Variants in MIA2 observed in about 807,000 individuals in gnomAD.
MIA2 encodes melanoma inhibitory activity protein 2.
Under a neutral mutation model 167.8 loss-of-function variants are expected in MIA2, and 127 were observed. The ratio of observed to expected loss-of-function variants is 0.76; its 90% CI spans 0.66 to 0.88. The LOEUF (loss-of-function observed/expected upper bound fraction) is 0.88. Among genes scored for constraint, MIA2 ranks in the 40% least tolerant of loss-of-function variants. The pLI is 0.00. For missense variants in MIA2, 1,690 were observed against 1,624.7 expected, an observed-to-expected ratio of 1.04 and a Z score of -0.69; for synonymous variants, 552 against 541.9, an observed-to-expected ratio of 1.02 and a Z score of -0.26.
chr14:39,326,633 A>G (rs1240046212), intron 24 of MIA2, among the ~76,000 whole-genome samples: 1 of 148,520 alleles, frequency 6.7e-6, no homozygotes, highest in East Asian at 1.9e-4. Context: ...TTTATTTTAA[A>G]TATTTTATAT....
At chr14:39,300,008 A>T in intron 14 of MIA2, 22 bp downstream of exon 14, 1 of 1,573,660 alleles carries the variant, frequency 6.4e-7, no homozygotes, top group Non-Finnish European at 8.6e-7. Flanking sequence ...TACTGGTTTT[A>T]GTGATCAAGT....
intron 20 of MIA2, 114 bp downstream of exon 20, chr14:39,314,913 C>T (rs1228780550): frequency 7.7e-6 from 6 of 777,624 alleles, no homozygotes; most frequent in Non-Finnish European, 1.8e-6. Context: ...AGTTGTATAC[C>T]TCTTTTGAGG....
At chr14:39,237,789 G>T (rs2053827113) in intron 2 of MIA2, among the ~76,000 whole-genome samples, 1 of 152,162 alleles carries the variant, frequency 6.6e-6, no homozygotes, top group Non-Finnish European at 1.5e-5. Flanking sequence ...GCCCAGGCTG[G>T]AGTGCAGTGG....
intron 6 of MIA2, chr14:39,265,547 C>T (rs2055469136): frequency 8.7e-6 from 6 of 688,642 alleles, no homozygotes; most frequent in South Asian, 1.9e-5. Context: ...TCATTTTATC[C>T]TCTGTCCTTA....
rs1212378780 is a variant in MIA2, at chr14:39,234,082, C to A, written c.-33C>A. On this transcript the variant is annotated 5_prime_UTR_variant, in exon 1 of 29. Transcript: ENST00000640607. ...CTACAACCTGAACAATTGGCTTAAA[C>A]TTCACTTGGGATTCCCGGTTGCTTG... 1 of 1,441,342 alleles carries A rather than the reference C, an allele frequency of 6.9e-7. No homozygotes were observed. The highest frequency in any genetic ancestry group is 1.4e-5 in the African/African-American group (1 of 69,668). The allele number at this position is 1,441,342 out of a possible 1,614,324, so 89.3% of individuals were successfully genotyped here.
At chr14:39,369,011 C>T (rs561150187) in intron 23 of MIA2, among the ~76,000 whole-genome samples, 3 of 152,262 alleles carry the variant, frequency 2.0e-5, no homozygotes, top group Admixed American at 6.5e-5. Context: ...CTGTCCTCAC[C>T]ATGCTTGCTA....
At chr14:39,303,722 C>T (rs2062878302) in intron 16 of MIA2, among the ~76,000 whole-genome samples, 198 bp downstream of exon 16, 1 of 151,914 alleles carries the variant, frequency 6.6e-6, no homozygotes, top group Admixed American at 6.6e-5. Context: ...TGGAATTTAT[C>T]AAAATAAAAA....
At chr14:39,319,179 A>T (rs752856627) in intron 22 of MIA2, 30 bp from the exon 23 acceptor site, 1 of 1,306,590 alleles carries the variant, frequency 7.7e-7, no homozygotes, top group Non-Finnish European at 1.1e-6. Flanking sequence ...TTGGATGAGT[A>T]ACTTAGAGAT....
intron 7 of MIA2, 65 bp downstream of exon 7, chr14:39,277,130 G>T: frequency 6.6e-7 from 1 of 1,510,896 alleles, no homozygotes; most frequent in Admixed American, 2.1e-5. Flanking sequence ...AATAATATGA[G>T]AAACATATTT....
intron 9 of MIA2, among the ~76,000 whole-genome samples, chr14:39,289,519 C>T (rs1302379481): frequency 6.6e-6 from 1 of 152,110 alleles, no homozygotes; most frequent in East Asian, 1.9e-4. Context: ...ATCCAAGGTA[C>T]CAGTTTTGGT....
chr14:39,287,927 C>G (rs2060041298), intron 9 of MIA2, among the ~76,000 whole-genome samples: 1 of 152,096 alleles, frequency 6.6e-6, no homozygotes, highest in South Asian at 2.1e-4. Flanking sequence ...TCACTGCAGC[C>G]TCAACCTCCT....
At chr14:39,260,782 C>T (rs1206311158) in intron 6 of MIA2, among the ~76,000 whole-genome samples, 1 of 152,048 alleles carries the variant, frequency 6.6e-6, no homozygotes, top group Non-Finnish European at 1.5e-5. Flanking sequence ...AGTCCTTGTC[C>T]ATGCCTATGT....
intron 4 of MIA2, among the ~76,000 whole-genome samples, chr14:39,249,516 A>C (rs1594669569): frequency 6.6e-6 from 1 of 151,464 alleles, no homozygotes; most frequent in Non-Finnish European, 1.5e-5. Flanking sequence ...TTTAAGTTTC[A>C]AGGTAATAAG....
At chr14:39,305,452 A>T (rs1269427220) in intron 17 of MIA2, among the ~76,000 whole-genome samples, 1 of 152,202 alleles carries the variant, frequency 6.6e-6, no homozygotes, top group Non-Finnish European at 1.5e-5. Context: ...TCTTAGACTA[A>T]TACTTGGAGA....
chr14:39,255,897 T>C (rs1431720143), intron 6 of MIA2, among the ~76,000 whole-genome samples: 1 of 152,232 alleles, frequency 6.6e-6, no homozygotes, highest in Admixed American at 6.5e-5. Context: ...GTTAATTATC[T>C]TGTGATCTTG....
At chr14:39,300,672 T>TGGGGGGA (rs1383340862) in intron 14 of MIA2, among the ~76,000 whole-genome samples, 1 of 61,010 alleles carries the variant, frequency 1.6e-5, no homozygotes, top group Middle Eastern at 0.013. Context: ...TGTTGTGGGG[T>TGGGGGGA]GGGGGGAGGG....
Position 39,247,580 on chromosome 14 carries a change from C to A in MIA2, c.1006C>A (p.Pro336Thr), listed in dbSNP as rs776490519. ...TGAATTAATAGCTGAAGAAAGCAATCCACCACTACAAGATTTTCCCAATTC... is the reference window on the plus strand; with the variant it reads ...TGAATTAATAGCTGAAGAAAGCAATACACCACTACAAGATTTTCCCAATTC... Reference protein sequence around the residue: ...GLELIAEESNPPLQDFPNSIS... With the variant: ...GLELIAEESNTPLQDFPNSIS... Residue 336 changes from proline to threonine, a missense_variant, in exon 4 of 29, where the codon CCA becomes ACA. By Grantham distance (38) the Pro-to-Thr change is conservative. Transcript: ENST00000640607. The A allele has an allele frequency of 1.9e-6, 3 of 1,613,888 alleles. No homozygotes were observed. The highest frequency in any genetic ancestry group is 4.5e-5 in the East Asian group (2 of 44,874).
At chr14:39,265,344 G>C (rs1439451070) in intron 6 of MIA2, 1 of 1,414,408 alleles carries the variant, frequency 7.1e-7, no homozygotes, top group South Asian at 1.2e-5. Flanking sequence ...TGAGGTGCCT[G>C]GTAGAACTTT....
At chr14:39,360,292 G>A (rs1411641823) in intron 23 of MIA2, among the ~76,000 whole-genome samples, 1 of 152,090 alleles carries the variant, frequency 6.6e-6, no homozygotes, top group Non-Finnish European at 1.5e-5. Flanking sequence ...ATAGAGCCTT[G>A]TCCAAAAGAA....
Sources: gnomAD v4.1 joint callset for allele counts (sites outside exome capture counted in the v4.1 genomes callset) on GRCh38, gnomAD v4.1.1 for gene constraint, MANE v1.5 for transcripts, NCBI Gene and HGNC (gene_info 2026-07-23, HGNC 2026-07-21) for gene names.